RAB35: variants seen among roughly 807,000 people sequenced by gnomAD.
RAB35 encodes the protein RAB35, member RAS oncogene family.
RAB35 carries 4 observed loss-of-function variants against 28.9 expected under a neutral mutation model. That is an observed-to-expected ratio of 0.14 (90% CI 0.07 to 0.32). RAB35 has a LOEUF of 0.32. Ranked by LOEUF, RAB35 falls within the 10% of genes least tolerant of loss-of-function variation. RAB35 has a pLI of 1.00. For synonymous variants in RAB35, 99 were observed against 105.1 expected, an observed-to-expected ratio of 0.94 and a Z score of 0.35; for missense variants, 128 against 274.0, an observed-to-expected ratio of 0.47 and a Z score of 3.76.
At chr12:120,113,926 A>C (rs1876227427) in intron 1 of RAB35, among the ~76,000 whole-genome samples, 1 of 152,238 alleles carries the variant, frequency 6.6e-6, no homozygotes, top group South Asian at 2.1e-4. Context: ...CAGAGTGGGC[A>C]GAACTCTAGA....
intron 3 of RAB35, among the ~76,000 whole-genome samples, chr12:120,102,753 G>A (rs1011077768): frequency 1.3e-5 from 2 of 152,156 alleles, no homozygotes; most frequent in South Asian, 2.1e-4. Context: ...GGGGAGTGCC[G>A]GGCTTTCATG....
At chr12:120,106,354 T>C (rs908792727) in intron 2 of RAB35, among the ~76,000 whole-genome samples, 32 of 152,220 alleles carry the variant, frequency 2.1e-4, no homozygotes, top group African/African-American at 7.0e-4. Flanking sequence ...CACTGCAACC[T>C]GCACTATCTC....
chr12:120,105,898 C>T (rs1875850407), intron 2 of RAB35, among the ~76,000 whole-genome samples: 2 of 123,074 alleles, frequency 1.6e-5, no homozygotes, highest in African/African-American at 6.6e-5. Context: ...GCCTGGGCGA[C>T]AGAGCGAGAC....
intron 2 of RAB35, among the ~76,000 whole-genome samples, chr12:120,105,666 G>A (rs2139054941): frequency 6.6e-6 from 1 of 152,258 alleles, no homozygotes. Context: ...GCTCACGCCT[G>A]TAATCCCAGC....
chr12:120,101,763 CTGCCCACAGGCCG>C (rs1252861344), intron 3 of RAB35, among the ~76,000 whole-genome samples: 1 of 152,232 alleles, frequency 6.6e-6, no homozygotes, highest in Non-Finnish European at 1.5e-5. Flanking sequence ...GGCCCAGCCG[CTGCCCACAGGCCG>C]CCCCTTCCCA....
Position 120,110,936 on chromosome 12 carries a change from C to T in RAB35, c.53-2469G>A, listed in dbSNP as rs531104325. ...GAGTCCCGGGTTGGGTCCTTCACGG[C>T]GCTGTGCCCAACACCAGCACCCCAC... On this transcript the variant is annotated intron_variant, in intron 1 of 5. Transcript: ENST00000229340. 3.9e-5 allele frequency among the ~76,000 whole-genome samples: 6 copies of T among 152,348 alleles called. No homozygotes were observed. The East Asian group carries it at 1.2e-3, about 29-fold the overall frequency.
At position 120,098,943 on chromosome 12, in the gene RAB35, C is replaced by G; in HGVS notation, c.353-8G>C. The stretch of plus-strand genomic sequence containing the variant: ...CGTCATTCTTATTACCCACTTCAAA[C>G]GAAGGCAGAGTCAGCGCAGCCCTGA... On this transcript the variant is annotated splice_region_variant and splice_polypyrimidine_tract_variant and intron_variant, in intron 4 of 5. Transcript: ENST00000229340. The G allele has an allele frequency of 6.2e-7, 1 of 1,614,200 alleles. No individual in the cohort carries two copies. The highest frequency in any genetic ancestry group is 8.5e-7 in the Non-Finnish European group (1 of 1,180,028).
intron 5 of RAB35, 112 bp from the exon 6 acceptor site, chr12:120,097,485 T>G (rs559272915): frequency 1.2e-6 from 1 of 806,272 alleles, no homozygotes; most frequent in Non-Finnish European, 2.0e-6. Context: ...CCTGTGCATT[T>G]TTGGTATGTA....
At chr12:120,101,289 G>A (rs555768482) in intron 3 of RAB35, among the ~76,000 whole-genome samples, 2 of 152,324 alleles carry the variant, frequency 1.3e-5, no homozygotes, top group Admixed American at 1.3e-4. Flanking sequence ...CATGTGACCA[G>A]CAAGGACGTG....
At chr12:120,109,152 T>G (rs191042396) in intron 1 of RAB35, among the ~76,000 whole-genome samples, 185 of 152,314 alleles carry the variant, frequency 1.2e-3, no homozygotes, top group African/African-American at 4.3e-3. Context: ...CCACTTTTTT[T>G]GTAAAGAAAT....
At chr12:120,116,506 G>T in intron 1 of RAB35, 93 bp downstream of exon 1, 1 of 645,732 alleles carries the variant, frequency 1.5e-6, no homozygotes, top group Non-Finnish European at 1.9e-6. Context: ...CGCCCCGCAC[G>T]GGCCGGCACC....
intron 2 of RAB35, among the ~76,000 whole-genome samples, chr12:120,105,916 CAAA>C (rs61681731): frequency 2.0e-5 from 1 of 49,794 alleles, no homozygotes. Flanking sequence ...GACTCCGTCT[CAAA>C]AAAAAAAAAA....
At chr12:120,107,288 A>C (rs1316540991) in intron 2 of RAB35, among the ~76,000 whole-genome samples, 2 of 152,164 alleles carry the variant, frequency 1.3e-5, no homozygotes, top group Non-Finnish European at 2.9e-5. Context: ...CACCCGGCTG[A>C]ACCTGATGTA....
chr12:120,104,670 G>A (rs1283126401), intron 2 of RAB35, among the ~76,000 whole-genome samples: 7 of 152,234 alleles, frequency 4.6e-5, no homozygotes, highest in East Asian at 1.9e-4. Context: ...GGGGGACAGC[G>A]TCTCATTCTG....
intron 2 of RAB35, 108 bp downstream of exon 2, chr12:120,108,309 G>A (rs1659120709): frequency 7.7e-6 from 9 of 1,163,532 alleles, no homozygotes; most frequent in Middle Eastern, 2.3e-4. Flanking sequence ...CAACCAGAAT[G>A]AGACAGTTCC....
At chr12:120,113,617 G>A (rs1186897086) in intron 1 of RAB35, among the ~76,000 whole-genome samples, 2 of 152,276 alleles carry the variant, frequency 1.3e-5, no homozygotes, top group East Asian at 3.9e-4. Flanking sequence ...AGGAGATAGA[G>A]ACCATACTGG....
In RAB35 at chr12:120,113,029, T is replaced by C. The variant is rs567505259; in HGVS notation, c.52+3570A>G. 3.3e-5 allele frequency among the ~76,000 whole-genome samples: 5 copies of C among 151,920 alleles called. No individual in the cohort carries two copies. The South Asian group carries it at 1.0e-3, about 32-fold the overall frequency. Reference sequence around the variant, plus strand: ...CCTCAGCCTCCCGAGTAGCTGGGATTACAGGTGCGTACCACCACACCCAAC... The same window carrying C: ...CCTCAGCCTCCCGAGTAGCTGGGATCACAGGTGCGTACCACCACACCCAAC... On this transcript the variant is annotated intron_variant, in intron 1 of 5. Transcript: ENST00000229340.
chr12:120,109,907 A>G (rs1228668256), intron 1 of RAB35, among the ~76,000 whole-genome samples: 1 of 152,124 alleles, frequency 6.6e-6, no homozygotes, highest in Non-Finnish European at 1.5e-5. Flanking sequence ...AGGCCAGCCA[A>G]GTTAATTGAC....
chr12:120,100,623 C>G (rs1875618945), intron 3 of RAB35, among the ~76,000 whole-genome samples: 1 of 152,168 alleles, frequency 6.6e-6, no homozygotes, highest in Admixed American at 6.5e-5. Context: ...GGGACAAAGC[C>G]CAACCTGCCC....
Sources: allele counts gnomAD v4.1 joint callset (sites outside exome capture counted in the v4.1 genomes callset), GRCh38; gene constraint gnomAD v4.1.1; transcripts MANE v1.5; gene names NCBI Gene and HGNC (gene_info 2026-07-23, HGNC 2026-07-21).